Variants in ADAMTS17 observed in about 807,000 individuals in gnomAD.
ADAMTS17 encodes ADAM metallopeptidase with thrombospondin type 1 motif 17.
Under a neutral mutation model 141.5 loss-of-function variants are expected in ADAMTS17, and 113 were observed. The observed-to-expected ratio is 0.80, with a 90% CI of 0.69 to 0.93. The LOEUF (loss-of-function observed/expected upper bound fraction) is 0.93, where lower values mean the gene tolerates loss of function less well. Ranked by LOEUF, ADAMTS17 falls within the 40% of genes least tolerant of loss-of-function variation. The pLI is 0.00. For missense variants in ADAMTS17, 1,659 were observed against 1,517.9 expected (o/e 1.09, Z -1.54); for synonymous variants, 768 against 630.6 (o/e 1.22, Z -3.27).
Position 100,169,228 on chromosome 15 carries a change from T to C in ADAMTS17, c.1182-13908A>G, listed in dbSNP as rs1475701749. Among the ~76,000 whole-genome samples the C allele has an allele frequency of 5.3e-5, 8 of 152,312 alleles. No homozygotes were observed. The South Asian group carries it at 1.2e-3, about 24-fold the overall frequency. ...ATCCATCCACCAGCACAGCTTCCAC[T>C]GCCCAACACATGCCAGGTATGACGC... On this transcript the variant is annotated intron_variant, in intron 8 of 21. Coordinates refer to ENST00000268070, the MANE Select transcript of ADAMTS17 (RefSeq NM_139057.4).
intron 15 of ADAMTS17, among the ~76,000 whole-genome samples, chr15:100,086,486 C>T (rs1167586809): frequency 6.6e-6 from 1 of 151,986 alleles, no homozygotes; most frequent in African/African-American, 2.4e-5. Flanking sequence ...CAGCTCTGCA[C>T]CAAGCAGACC....
At chr15:100,271,791 C>T (rs2043922207) in intron 4 of ADAMTS17, among the ~76,000 whole-genome samples, 1 of 152,022 alleles carries the variant, frequency 6.6e-6, no homozygotes, top group Non-Finnish European at 1.5e-5. Context: ...GTGTTGTATC[C>T]AAGAAATCAC....
intron 4 of ADAMTS17, among the ~76,000 whole-genome samples, chr15:100,263,887 G>C (rs2043617283): frequency 6.6e-6 from 1 of 152,216 alleles, no homozygotes; most frequent in East Asian, 1.9e-4. Flanking sequence ...GTTAAGCACG[G>C]TAGACAGCAT....
At chr15:100,173,541 C>T (rs1052193103) in intron 8 of ADAMTS17, among the ~76,000 whole-genome samples, 1 of 152,202 alleles carries the variant, frequency 6.6e-6, no homozygotes, top group South Asian at 2.1e-4. Flanking sequence ...TCACTTTCTG[C>T]TCCAAAAGGG....
At chr15:100,269,685 T>C (rs7184029) in intron 4 of ADAMTS17, among the ~76,000 whole-genome samples, 118,349 of 152,016 alleles carry the variant, frequency 0.78, 46,659 homozygotes, top group East Asian at 0.95. Context: ...GAGATGTTCT[T>C]GGGACAGAGA....
intron 10 of ADAMTS17, among the ~76,000 whole-genome samples, chr15:100,140,763 A>G (rs116504386): frequency 0.015 from 2,270 of 149,434 alleles, 48 homozygotes; most frequent in African/African-American, 0.052. Context: ...TCAGTCCCCA[A>G]TTTCCTCTTC....
At chr15:100,067,197 A>G (rs368288960) in intron 15 of ADAMTS17, among the ~76,000 whole-genome samples, 84 of 143,160 alleles carry the variant, frequency 5.9e-4, no homozygotes, top group African/African-American at 2.1e-3. Context: ...ACACTTTTCC[A>G]CTGTCTTCCC....
chr15:100,022,231 A>C (rs966935278), intron 18 of ADAMTS17, among the ~76,000 whole-genome samples: 7 of 152,168 alleles, frequency 4.6e-5, no homozygotes, highest in African/African-American at 1.7e-4. Flanking sequence ...GCAGGCCCCC[A>C]GCAGGCATAT....
chr15:100,040,376 C>CT (rs1313574789), intron 18 of ADAMTS17, among the ~76,000 whole-genome samples: 10 of 152,184 alleles, frequency 6.6e-5, no homozygotes, highest in African/African-American at 9.7e-5. Flanking sequence ...GCTTTGTAAT[C>CT]TTTTTTGGGG....
chr15:100,244,389 C>G (rs1382620045), intron 7 of ADAMTS17, among the ~76,000 whole-genome samples: 2 of 149,084 alleles, frequency 1.3e-5, no homozygotes, highest in East Asian at 4.2e-4. Flanking sequence ...TTGTCCACCA[C>G]TGTCCTTGAG....
intron 2 of ADAMTS17, among the ~76,000 whole-genome samples, chr15:100,333,457 G>A (rs770182164): frequency 6.6e-5 from 10 of 152,312 alleles, no homozygotes; most frequent in Non-Finnish European, 1.0e-4. Context: ...TCTCTGGGGT[G>A]GAGCCCAGGC....
In ADAMTS17 at chr15:100,019,093, TG is replaced by T. The variant is rs2061349149; in HGVS notation, c.2592-21505del. Among the ~76,000 whole-genome samples, 3 of 152,328 alleles carry T rather than the reference TG, an allele frequency of 2.0e-5. No individual in the cohort carries two copies. The East Asian group carries it at 5.8e-4, about 29-fold the overall frequency. On this transcript the variant is annotated intron_variant, in intron 18 of 21. Coordinates refer to ENST00000268070, the MANE Select transcript of ADAMTS17 (RefSeq NM_139057.4). ...CCATCGATGGCAGAATGAATAAATG[TG>T]TAAGACGAAATCATATAGAAAACGA... is the stretch of plus-strand genomic sequence containing the variant.
At chr15:100,142,388 G>A (rs1009050314) in intron 10 of ADAMTS17, among the ~76,000 whole-genome samples, 1 of 152,142 alleles carries the variant, frequency 6.6e-6, no homozygotes, top group Non-Finnish European at 1.5e-5. Flanking sequence ...GTACCGGGAG[G>A]GATGGTGAGG....
chr15:100,226,938 T>C (rs1276491598), intron 7 of ADAMTS17, among the ~76,000 whole-genome samples: 1 of 152,178 alleles, frequency 6.6e-6, no homozygotes, highest in Non-Finnish European at 1.5e-5. Context: ...AGCCTAATAT[T>C]TGTGATTTGA....
chr15:100,069,284 G>A (rs1157754283), intron 15 of ADAMTS17, among the ~76,000 whole-genome samples: 1 of 152,240 alleles, frequency 6.6e-6, no homozygotes, highest in African/African-American at 2.4e-5. Context: ...ACCTGAAAGT[G>A]ACGGGGAGAA....
At chr15:100,232,412 G>A (rs1272028784) in intron 7 of ADAMTS17, among the ~76,000 whole-genome samples, 1 of 152,218 alleles carries the variant, frequency 6.6e-6, no homozygotes, top group Non-Finnish European at 1.5e-5. Context: ...AAAGCCTGAT[G>A]GAGATGAAAA....
intron 8 of ADAMTS17, among the ~76,000 whole-genome samples, chr15:100,167,497 G>C (rs1198645158): frequency 6.6e-6 from 1 of 152,128 alleles, no homozygotes; most frequent in African/African-American, 2.4e-5. Context: ...TCTTAGACTT[G>C]AAGAGTCAGA....
At chr15:100,001,735 C>G (rs1475174702) in intron 18 of ADAMTS17, among the ~76,000 whole-genome samples, 1 of 151,938 alleles carries the variant, frequency 6.6e-6, no homozygotes, top group African/African-American at 2.4e-5. Flanking sequence ...TTTTGGGAGG[C>G]CAAGGTGGGT....
At chr15:100,112,858 A>G (rs1237510949) in intron 13 of ADAMTS17, among the ~76,000 whole-genome samples, 1 of 152,078 alleles carries the variant, frequency 6.6e-6, no homozygotes, top group Admixed American at 6.5e-5. Flanking sequence ...AAGCTTGGGA[A>G]CCACGTGGTC....
Sources: allele counts gnomAD v4.1 joint callset (sites outside exome capture counted in the v4.1 genomes callset), GRCh38; gene constraint gnomAD v4.1.1; transcripts MANE v1.5; gene names NCBI Gene and HGNC (gene_info 2026-07-23, HGNC 2026-07-21).